Variants in ARHGAP5 observed in about 807,000 individuals in gnomAD.
ARHGAP5 encodes rho GTPase-activating protein 5.
In ARHGAP5, 23 loss-of-function variants were observed where a neutral mutation model predicts 116.6. The observed-to-expected ratio is 0.20, with a 90% CI of 0.14 to 0.28. ARHGAP5 has a LOEUF of 0.28. Ranked by LOEUF, ARHGAP5 falls within the 10% of genes least tolerant of loss-of-function variation. The probability of loss-of-function intolerance (pLI) is 1.00; values close to 1 mark genes in which losing one functional copy is unlikely to be tolerated. For missense variants in ARHGAP5, 1,405 were observed against 1,774.8 expected, an observed-to-expected ratio of 0.79 and a Z score of 3.74; for synonymous variants, 574 against 602.0, an observed-to-expected ratio of 0.95 and a Z score of 0.68.
At chr14:32,136,080 A>C (rs915792303) in intron 3 of ARHGAP5, among the ~76,000 whole-genome samples, 2 of 152,184 alleles carry the variant, frequency 1.3e-5, no homozygotes, top group Non-Finnish European at 2.9e-5. Context: ...TACTACTACT[A>C]GTTCTTGTTT....
chr14:32,115,763 A>G (rs1156248238), intron 2 of ARHGAP5, among the ~76,000 whole-genome samples: 1 of 147,254 alleles, frequency 6.8e-6, no homozygotes, highest in Non-Finnish European at 1.5e-5. Context: ...TGAGGTCAGG[A>G]GTTCGAGACT....
intron 3 of ARHGAP5, among the ~76,000 whole-genome samples, chr14:32,133,101 A>T (rs2139109058): frequency 6.6e-6 from 1 of 152,266 alleles, no homozygotes; most frequent in South Asian, 2.1e-4. Flanking sequence ...ACTTTAAAGT[A>T]GTTTTTTCCA....
intron 3 of ARHGAP5, among the ~76,000 whole-genome samples, chr14:32,143,432 G>A (rs1277463477): frequency 6.6e-6 from 1 of 152,072 alleles, no homozygotes. Context: ...TTTTAGTAGA[G>A]ACAGGGTTTC....
chr14:32,119,983 A>G (rs1185805826), intron 3 of ARHGAP5, among the ~76,000 whole-genome samples: 5 of 152,140 alleles, frequency 3.3e-5, no homozygotes, highest in African/African-American at 1.2e-4. Flanking sequence ...AAAAGCTGGC[A>G]TCATAGATTA....
chr14:32,130,454 T>A (rs1251236175), intron 3 of ARHGAP5, among the ~76,000 whole-genome samples: 1 of 151,474 alleles, frequency 6.6e-6, no homozygotes, highest in Non-Finnish European at 1.5e-5. Context: ...ACTCCTGACC[T>A]CCAGTCATCC....
intron 1 of ARHGAP5, among the ~76,000 whole-genome samples, chr14:32,079,285 A>C (rs2041747482): frequency 4.6e-5 from 7 of 152,200 alleles, no homozygotes; most frequent in Admixed American, 4.6e-4. Flanking sequence ...TTCTTTGTAC[A>C]TTAATTATTA....
chr14:32,124,901 C>T (rs1359773331), intron 3 of ARHGAP5, among the ~76,000 whole-genome samples: 4 of 152,026 alleles, frequency 2.6e-5, no homozygotes, highest in Non-Finnish European at 4.4e-5. Flanking sequence ...TGCAAACAGG[C>T]TATACAAGAG....
chr14:32,133,795 G>T (rs1049502461), intron 3 of ARHGAP5, among the ~76,000 whole-genome samples: 5 of 152,118 alleles, frequency 3.3e-5, no homozygotes, highest in Non-Finnish European at 7.3e-5. Context: ...AGCATGAAGG[G>T]TTTTTGAATT....
At chr14:32,096,553 C>T (rs1207412281) in intron 2 of ARHGAP5, among the ~76,000 whole-genome samples, 2 of 152,064 alleles carry the variant, frequency 1.3e-5, no homozygotes, top group African/African-American at 2.4e-5. Flanking sequence ...TCAACAATTC[C>T]GTGCCACAAG....
At chr14:32,116,058 C>T (rs568234902) in intron 2 of ARHGAP5, among the ~76,000 whole-genome samples, 5 of 151,558 alleles carry the variant, frequency 3.3e-5, no homozygotes, top group Admixed American at 1.3e-4. Flanking sequence ...GAGGCTGAGG[C>T]GGGTGGATCA....
intron 3 of ARHGAP5, among the ~76,000 whole-genome samples, chr14:32,137,047 TA>T (rs1880841320): frequency 6.6e-6 from 1 of 151,906 alleles, no homozygotes. Context: ...TAATATCTTT[TA>T]ATATATAAAA....
rs1308073309 is a variant in ARHGAP5 at position 32,084,802 on chromosome 14, C to T, written c.-168-5700C>T. Among the ~76,000 whole-genome samples the T allele has an allele frequency of 4.6e-5, 7 of 152,056 alleles. 1 individual carries two copies. The South Asian group carries it at 1.0e-3, about 22-fold the overall frequency. On this transcript the variant is annotated intron_variant, in intron 1 of 6. Transcript: ENST00000345122. ...GTGGTTCAAAGATGAAGTATTATTT[C>T]GAGTCCAGGACTTTGAGACCACAAC...
chr14:32,147,068 C>T (rs529057778), intron 4 of ARHGAP5, among the ~76,000 whole-genome samples: 50 of 152,236 alleles, frequency 3.3e-4, no homozygotes, highest in African/African-American at 1.1e-3. Flanking sequence ...TATGATTGAT[C>T]GGCATCTTAG....
intron 2 of ARHGAP5, among the ~76,000 whole-genome samples, chr14:32,095,147 T>A (rs539715039): frequency 6.6e-6 from 1 of 152,212 alleles, no homozygotes; most frequent in Admixed American, 6.5e-5. Context: ...TTTATGCTAA[T>A]GTGTTGGTCA....
At chr14:32,129,404 A>T (rs747024805) in intron 3 of ARHGAP5, among the ~76,000 whole-genome samples, 12 of 152,234 alleles carry the variant, frequency 7.9e-5, no homozygotes, top group Non-Finnish European at 1.6e-4. Context: ...ATGACAAATG[A>T]ATTATAAAGA....
intron 3 of ARHGAP5, among the ~76,000 whole-genome samples, chr14:32,145,098 C>G (rs967390262): frequency 1.3e-5 from 2 of 152,184 alleles, no homozygotes; most frequent in Admixed American, 6.5e-5. Context: ...TGACGTTGCA[C>G]CAGCAGGGGA....
chr14:32,133,146 G>A (rs1384756626), intron 3 of ARHGAP5, among the ~76,000 whole-genome samples: 1 of 152,066 alleles, frequency 6.6e-6, no homozygotes, highest in Non-Finnish European at 1.5e-5. Flanking sequence ...GCTTGATGGG[G>A]GTGGCATTGA....
At chr14:32,138,267 C>G (rs1212340861) in intron 3 of ARHGAP5, among the ~76,000 whole-genome samples, 1 of 151,832 alleles carries the variant, frequency 6.6e-6, no homozygotes, top group Non-Finnish European at 1.5e-5. Flanking sequence ...TTAACTTCTA[C>G]TAGTTTTTAT....
At position 32,145,176 on chromosome 14, in the gene ARHGAP5, T is replaced by C. The variant is rs911754737; in HGVS notation, c.3866-1087T>C. 2.8e-4 allele frequency among the ~76,000 whole-genome samples: 42 copies of C among 152,162 alleles called. 1 individual carries two copies. The highest frequency in any genetic ancestry group is 9.7e-4 in the African/African-American group (40 of 41,434). On this transcript the variant is annotated intron_variant, in intron 3 of 6. Transcript: ENST00000345122. ...CTTCCATTGGCTTTCACTGATAATA[T>C]AGCATGGTGGGGTAGGTAGGGCATC...
Sources: allele counts gnomAD v4.1 joint callset (sites outside exome capture counted in the v4.1 genomes callset), GRCh38; gene constraint gnomAD v4.1.1; transcripts MANE v1.5; gene names NCBI Gene and HGNC (gene_info 2026-07-23, HGNC 2026-07-21).